Variants in TAS2R1 observed in about 807,000 individuals in gnomAD.
TAS2R1 encodes the protein taste receptor type 2 member 1.
For synonymous variants in TAS2R1, 141 were observed against 134.2 expected (o/e 1.05, Z -0.35); for missense variants, 370 against 353.4 (o/e 1.05, Z -0.38).
At chr5:9,642,840 G>A (rs1451772461) in intron 2 of TAS2R1, among the ~76,000 whole-genome samples, 3 of 152,168 alleles carry the variant, frequency 2.0e-5, no homozygotes, top group Non-Finnish European at 4.4e-5. Context: ...CACAGATGCT[G>A]CAGTTGAATC....
At chr5:9,872,716 T>A in the TAS2R1 span, among the ~76,000 whole-genome samples, 1 of 152,230 alleles carries the variant, frequency 6.6e-6, no homozygotes, top group Non-Finnish European at 1.5e-5. Flanking sequence ...AAAGATTCTT[T>A]AGGTAGATTA....
chr5:9,887,571 C>T, the TAS2R1 span, among the ~76,000 whole-genome samples: 1 of 152,196 alleles, frequency 6.6e-6, no homozygotes, highest in Non-Finnish European at 1.5e-5. Flanking sequence ...ATGTATCACA[C>T]ATGGTGACCC....
chr5:9,657,681 G>T (rs139870380), intron 2 of TAS2R1, among the ~76,000 whole-genome samples: 84 of 152,308 alleles, frequency 5.5e-4, no homozygotes, highest in Middle Eastern at 3.4e-3. Context: ...GGAACATGAA[G>T]TTCCTAGAGT....
the TAS2R1 span, among the ~76,000 whole-genome samples, chr5:9,723,298 C>T: frequency 2.0e-5 from 3 of 152,218 alleles, no homozygotes; most frequent in African/African-American, 7.2e-5. Flanking sequence ...TCTACCACTT[C>T]ATTATCGTGG....
the TAS2R1 span, among the ~76,000 whole-genome samples, chr5:9,810,049 A>C: frequency 6.6e-6 from 1 of 152,108 alleles, no homozygotes; most frequent in African/African-American, 2.4e-5. Context: ...ATTGATTCTC[A>C]TGTGTGTGAA....
the TAS2R1 span, among the ~76,000 whole-genome samples, chr5:9,748,016 G>T: frequency 6.6e-6 from 1 of 152,074 alleles, no homozygotes; most frequent in Non-Finnish European, 1.5e-5. Flanking sequence ...AGTGAGGAAA[G>T]AATGGACATG....
chr5:9,763,832 G>T, the TAS2R1 span, among the ~76,000 whole-genome samples: 1 of 152,170 alleles, frequency 6.6e-6, no homozygotes. Context: ...CGTAAAACAG[G>T]CCATTTTCAA....
the TAS2R1 span, among the ~76,000 whole-genome samples, chr5:9,894,826 T>C: frequency 1.3e-5 from 2 of 152,210 alleles, no homozygotes; most frequent in African/African-American, 2.4e-5. Context: ...TGTGGTTCAG[T>C]TGGTAAATTT....
intron 1 of TAS2R1, among the ~76,000 whole-genome samples, chr5:9,680,386 G>A (rs1018930654): frequency 2.0e-5 from 3 of 152,088 alleles, no homozygotes; most frequent in Non-Finnish European, 2.9e-5. Context: ...TGTGAGTTGT[G>A]CATAGCAACT....
chr5:9,839,582 G>A, the TAS2R1 span, among the ~76,000 whole-genome samples: 1 of 152,226 alleles, frequency 6.6e-6, no homozygotes, highest in South Asian at 2.1e-4. Context: ...AGGAGAAATT[G>A]TGCTTGAGGA....
At chr5:9,872,868 G>A in the TAS2R1 span, among the ~76,000 whole-genome samples, 8 of 152,062 alleles carry the variant, frequency 5.3e-5, no homozygotes, top group Admixed American at 6.5e-5. Flanking sequence ...CCTAAAATTC[G>A]CCAGTGCCCT....
chr5:9,648,435 A>G (rs1740239621), intron 2 of TAS2R1, among the ~76,000 whole-genome samples: 1 of 152,024 alleles, frequency 6.6e-6, no homozygotes, highest in African/African-American at 2.4e-5. Context: ...TGACAAGAAG[A>G]GGACATATGA....
At chr5:9,630,756 G>A (rs1342743023), upstream of TAS2R1, among the ~76,000 whole-genome samples, 2 of 152,092 alleles carry the variant, frequency 1.3e-5, no homozygotes, top group East Asian at 3.8e-4. Flanking sequence ...GAGTAATTCA[G>A]GGGTTAAAAT....
chr5:9,820,648 T>C, the TAS2R1 span, among the ~76,000 whole-genome samples: 1 of 152,064 alleles, frequency 6.6e-6, no homozygotes, highest in Non-Finnish European at 1.5e-5. Context: ...AGTTCCTCCA[T>C]CCTAGAGGAA....
At chr5:9,661,375 A>T (rs1178254030) in intron 1 of TAS2R1, among the ~76,000 whole-genome samples, 1 of 152,220 alleles carries the variant, frequency 6.6e-6, no homozygotes, top group Non-Finnish European at 1.5e-5. Context: ...CAGCAGGGTC[A>T]TTTAGGAGTG....
chr5:9,766,936 T>A, the TAS2R1 span, among the ~76,000 whole-genome samples: 1 of 152,178 alleles, frequency 6.6e-6, no homozygotes, highest in Non-Finnish European at 1.5e-5. Flanking sequence ...TCACTGATGC[T>A]GGCATGCCTT....
chr5:9,636,081 A>G (rs1739958220), intron 2 of TAS2R1, among the ~76,000 whole-genome samples: 1 of 152,048 alleles, frequency 6.6e-6, no homozygotes, highest in African/African-American at 2.4e-5. Context: ...TAATACTAAG[A>G]ACTTTCTCAT....
the TAS2R1 span, among the ~76,000 whole-genome samples, chr5:9,719,918 C>CAAAAAAAAAAA: frequency 4.7e-5 from 3 of 64,290 alleles, no homozygotes; most frequent in Non-Finnish European, 8.6e-5. Flanking sequence ...GATTCCGATT[C>CAAAAAAAAAAA]AAAAAAAAAA....
chr5:9,641,702 T>C (rs1180530745), intron 2 of TAS2R1, among the ~76,000 whole-genome samples: 3 of 152,224 alleles, frequency 2.0e-5, no homozygotes, highest in Non-Finnish European at 4.4e-5. Context: ...GCTCTTGCAC[T>C]AAGCAAGAGT....
Sources: allele counts gnomAD v4.1 joint callset (sites outside exome capture counted in the v4.1 genomes callset), GRCh38; gene constraint gnomAD v4.1.1; transcripts MANE v1.5; gene names NCBI Gene and HGNC (gene_info 2026-07-23, HGNC 2026-07-21).